The following CDH12 variants were observed in gnomAD, a reference collection of about 807,000 sequenced individuals.
CDH12 encodes the protein cadherin 12.
In CDH12, 41 loss-of-function variants were observed where a neutral mutation model predicts 74.1. That is an observed-to-expected ratio of 0.55 (90% confidence interval 0.43 to 0.72). The LOEUF (loss-of-function observed/expected upper bound fraction) is 0.72. CDH12 is among the 30% of genes least tolerant of loss of function. The pLI is 0.00. For missense variants in CDH12, 945 were observed against 977.2 expected, an observed-to-expected ratio of 0.97 and a Z score of 0.44; for synonymous variants, 399 against 355.0, an observed-to-expected ratio of 1.12 and a Z score of -1.39.
intron 4 of CDH12, among the ~76,000 whole-genome samples, chr5:22,138,845 A>ATATATATATATATATATATATAT (rs1746612743): frequency 7.8e-5 from 6 of 76,578 alleles, no homozygotes; most frequent in South Asian, 4.7e-4. Flanking sequence ...ATATATACGT[A>ATATATATATATATATATATATAT]ATATATATAT....
chr5:22,000,228 C>T (rs1486423069), intron 5 of CDH12, among the ~76,000 whole-genome samples: 1 of 152,134 alleles, frequency 6.6e-6, no homozygotes, highest in African/African-American at 2.4e-5. Flanking sequence ...TCCCAAAGCT[C>T]TGGGATTACA....
intron 2 of CDH12, among the ~76,000 whole-genome samples, chr5:22,450,861 C>A (rs1745012215): frequency 6.7e-6 from 1 of 148,436 alleles, no homozygotes; most frequent in Non-Finnish European, 1.5e-5. Flanking sequence ...GGTTTCTAGA[C>A]CCACCTAATA....
intron 2 of CDH12, among the ~76,000 whole-genome samples, chr5:22,489,129 C>A (rs1446170848): frequency 7.9e-6 from 1 of 127,190 alleles, no homozygotes; most frequent in African/African-American, 3.0e-5. Context: ...ACGATCTCGG[C>A]TCACTGCAAG....
rs1561268187 is a variant in CDH12, at chr5:21,880,595, CCTTCCTTCCTTCCTT to C, written c.527-25820_527-25806del. ...TCTTTCCTTCCTTCCTTCCTTCCTT[CCTTCCTTCCTTCCTT>C]CCTTCCTTCTTTCTTTCTTTCTTTC... is the stretch of plus-strand genomic sequence containing the variant. On this transcript the variant is annotated intron_variant, in intron 6 of 14. Coordinates refer to ENST00000382254, the MANE Select transcript of CDH12 (RefSeq NM_004061.5). Among the ~76,000 whole-genome samples the C allele has an allele frequency of 2.5e-4, 13 of 52,724 alleles. 1 individual carries two copies. The highest frequency in any genetic ancestry group is 8.2e-4 in the African/African-American group (13 of 15,932). 34.6% of individuals were successfully genotyped at this position (52,724 alleles called of 152,430 possible).
At chr5:22,359,644 A>T (rs1580562311) in intron 3 of CDH12, among the ~76,000 whole-genome samples, 1 of 152,304 alleles carries the variant, frequency 6.6e-6, no homozygotes. Context: ...TCAGCACCAC[A>T]TTGCACTTAT....
chr5:22,281,672 T>A (rs958973933), intron 3 of CDH12, among the ~76,000 whole-genome samples: 1 of 152,050 alleles, frequency 6.6e-6, no homozygotes, highest in African/African-American at 2.4e-5. Context: ...ACAAGGGATG[T>A]GAAGGACCTC....
At chr5:22,502,634 CT>C in intron 2 of CDH12, among the ~76,000 whole-genome samples, 2 of 147,928 alleles carry the variant, frequency 1.4e-5, no homozygotes, top group African/African-American at 4.9e-5. Flanking sequence ...CAGCAGTCAT[CT>C]TTACACACAC....
At chr5:22,025,961 C>T (rs1325010739) in intron 5 of CDH12, among the ~76,000 whole-genome samples, 1 of 151,378 alleles carries the variant, frequency 6.6e-6, no homozygotes, top group Non-Finnish European at 1.5e-5. Context: ...ATTTTTATCA[C>T]ATCTGTAGTT....
chr5:22,654,066 C>T lies in CDH12; in HGVS notation c.-522-148702G>A, dbSNP rs11747305. On this transcript the variant is annotated intron_variant, in intron 1 of 14. Transcript: ENST00000382254. ...TCCTTCCTTCCTTCCCTGTCCTTCCCGTTCCTTCTCCCTTCCCCTTCCTTT... is the reference window on the plus strand; with the variant it reads ...TCCTTCCTTCCTTCCCTGTCCTTCCTGTTCCTTCTCCCTTCCCCTTCCTTT... Among the ~76,000 whole-genome samples, 7 of 134,270 alleles carry T rather than the reference C, an allele frequency of 5.2e-5. No individual in the cohort carries two copies. In the East Asian group the frequency reaches 7.0e-4, roughly 13 times the overall value. The allele number at this position is 134,270 out of a possible 152,430, so 88.1% of individuals were successfully genotyped here.
At chr5:22,696,939 T>C (rs866043825) in intron 1 of CDH12, among the ~76,000 whole-genome samples, 1 of 151,780 alleles carries the variant, frequency 6.6e-6, no homozygotes, top group Non-Finnish European at 1.5e-5. Flanking sequence ...AAACCAAGTA[T>C]GTAATGTTCA....
chr5:22,732,638 A>C (rs1223695258), intron 1 of CDH12, among the ~76,000 whole-genome samples: 1 of 151,852 alleles, frequency 6.6e-6, no homozygotes, highest in Non-Finnish European at 1.5e-5. Context: ...ATAAATAATA[A>C]TGAATACAGA....
intron 3 of CDH12, among the ~76,000 whole-genome samples, chr5:22,398,246 G>A (rs933603544): frequency 6.6e-6 from 1 of 152,092 alleles, no homozygotes; most frequent in African/African-American, 2.4e-5. Context: ...CTAAGCAGTG[G>A]TTCTCAATAT....
At chr5:22,001,291 C>T (rs1736586778) in intron 5 of CDH12, among the ~76,000 whole-genome samples, 1 of 151,382 alleles carries the variant, frequency 6.6e-6, no homozygotes, top group South Asian at 2.1e-4. Context: ...AGAGGCCTAC[C>T]CGATATCCCG....
intron 1 of CDH12, among the ~76,000 whole-genome samples, chr5:22,801,745 A>G (rs958361810): frequency 6.8e-6 from 1 of 147,996 alleles, no homozygotes; most frequent in Non-Finnish European, 1.5e-5. Flanking sequence ...CTTCAAAAAG[A>G]TGGGTGTTTC....
chr5:22,821,817 T>C (rs1749715980), intron 1 of CDH12, among the ~76,000 whole-genome samples: 1 of 151,228 alleles, frequency 6.6e-6, no homozygotes, highest in Non-Finnish European at 1.5e-5. Context: ...CAAGGTAATT[T>C]ATAGATTCAA....
intron 4 of CDH12, among the ~76,000 whole-genome samples, chr5:22,197,909 T>C (rs1750713918): frequency 6.6e-6 from 1 of 152,052 alleles, no homozygotes; most frequent in Non-Finnish European, 1.5e-5. Context: ...TATGTATGAG[T>C]GTGAAATCAA....
chr5:22,692,763 A>G lies in CDH12; in HGVS notation c.-523+160295T>C, dbSNP rs372957788. ...GTGATTGCTTTATTTTCTTTCCTGC[A>G]TGTTCAAATTACATTTGTAAAATTG... On this transcript the variant is annotated intron_variant, in intron 1 of 14. Coordinates refer to ENST00000382254, the MANE Select transcript of CDH12 (RefSeq NM_004061.5). 7.2e-5 allele frequency among the ~76,000 whole-genome samples: 11 copies of G among 152,288 alleles called. No individual in the cohort carries two copies. In the East Asian group the frequency reaches 1.5e-3, roughly 21 times the overall value.
rs576663192 is a variant in CDH12 at position 22,279,014 on chromosome 5, A to G, written c.-332-66371T>C. Among the ~76,000 whole-genome samples the G allele has an allele frequency of 1.3e-4, 20 of 152,276 alleles. No individual in the cohort carries two copies. In the South Asian group the frequency reaches 4.1e-3, roughly 32 times the overall value. On this transcript the variant is annotated intron_variant, in intron 3 of 14. Coordinates refer to ENST00000382254, the MANE Select transcript of CDH12 (RefSeq NM_004061.5). Reference sequence around the variant, plus strand: ...ATGTTCCCAATGTCTGTTATTTAAAATAGCAGGCAAAACATACATATATAA... The same window carrying G: ...ATGTTCCCAATGTCTGTTATTTAAAGTAGCAGGCAAAACATACATATATAA...
At chr5:22,305,697 G>A (rs1318872580) in intron 3 of CDH12, among the ~76,000 whole-genome samples, 29 of 152,096 alleles carry the variant, frequency 1.9e-4, no homozygotes, top group Non-Finnish European at 2.9e-5. Flanking sequence ...GGCCTCACTG[G>A]GGGCAGCAAG....
Sources: allele counts gnomAD v4.1 joint callset (sites outside exome capture counted in the v4.1 genomes callset), GRCh38; gene constraint gnomAD v4.1.1; transcripts MANE v1.5; gene names NCBI Gene and HGNC (gene_info 2026-07-23, HGNC 2026-07-21).